The following NAALADL2 variants were observed in gnomAD, a reference collection of about 807,000 sequenced individuals.
NAALADL2 encodes N-acetylated alpha-linked acidic dipeptidase like 2, also known as inactive N-acetylated-alpha-linked acidic dipeptidase-like protein 2.
Under a neutral mutation model 87.2 loss-of-function variants are expected in NAALADL2, and 76 were observed. That is an observed-to-expected ratio of 0.87 (90% CI 0.72 to 1.05). The LOEUF (loss-of-function observed/expected upper bound fraction) is 1.05. Ranked by LOEUF, NAALADL2 falls within the 50% of genes least tolerant of loss-of-function variation. The pLI, the probability that NAALADL2 is intolerant of heterozygous loss-of-function variation, is 0.00. For missense variants in NAALADL2, 1,089 were observed against 945.8 expected (o/e 1.15, Z -1.99); for synonymous variants, 354 against 331.0 (o/e 1.07, Z -0.75).
chr3:174,464,001 G>A (rs1044960360), intron 1 of NAALADL2, among the ~76,000 whole-genome samples: 2 of 152,136 alleles, frequency 1.3e-5, no homozygotes, highest in Non-Finnish European at 1.5e-5. Context: ...ATGAAGTAAA[G>A]TAAGAAATAC....
chr3:174,904,168 G>T (rs1237332658), intron 1 of NAALADL2, among the ~76,000 whole-genome samples: 1 of 151,634 alleles, frequency 6.6e-6, no homozygotes, highest in Non-Finnish European at 1.5e-5. Context: ...CCTTATTTGG[G>T]ATCAGTAAGG....
At chr3:175,283,829 A>G (rs762490430) in intron 4 of NAALADL2, among the ~76,000 whole-genome samples, 3 of 152,044 alleles carry the variant, frequency 2.0e-5, no homozygotes, top group Non-Finnish European at 4.4e-5. Context: ...TAAAATCTGG[A>G]CATGAGCTTA....
rs755557536 is a variant in NAALADL2, at chr3:175,532,299, C to G, written c.1654-43742C>G. Among the ~76,000 whole-genome samples, 3 of 152,204 alleles carry G rather than the reference C, an allele frequency of 2.0e-5. No homozygotes were observed. The East Asian group carries it at 5.8e-4, about 29-fold the overall frequency. ...GTCCCTAAAATGTCTGATCACTTCC[C>G]TTTTCCATAGCACAGTTATGCTGGT... On this transcript the variant is annotated intron_variant, in intron 9 of 13. Coordinates refer to ENST00000454872, the MANE Select transcript of NAALADL2 (RefSeq NM_207015.3).
chr3:175,691,256 A>AAT (rs760060951), intron 11 of NAALADL2, among the ~76,000 whole-genome samples: 307 of 149,020 alleles, frequency 2.1e-3, no homozygotes, highest in African/African-American at 5.8e-3. Flanking sequence ...ACACACAGAT[A>AAT]ATATATATAT....
At chr3:175,575,961 G>A (rs1265532788) in intron 9 of NAALADL2, 80 bp from the exon 10 acceptor site, 6 of 1,169,370 alleles carry the variant, frequency 5.1e-6, no homozygotes, top group African/African-American at 1.6e-5. Flanking sequence ...CTGATCTGTG[G>A]ACCATGTTTT....
At chr3:175,802,173 T>C (rs1754244923) in intron 13 of NAALADL2, among the ~76,000 whole-genome samples, 1 of 152,084 alleles carries the variant, frequency 6.6e-6, no homozygotes, top group Non-Finnish European at 1.5e-5. Flanking sequence ...AAGAGCACTT[T>C]TAGAAAACAT....
chr3:175,002,079 CGT>C lies in NAALADL2; in HGVS notation c.44-94710_44-94709del, dbSNP rs529037625. 1.2e-3 allele frequency among the ~76,000 whole-genome samples: 182 copies of C among 152,222 alleles called. 2 individuals are homozygous for C. Among genetic ancestry groups the C allele is most frequent in the African/African-American group, 4.3e-3 (177 of 41,542 alleles). ...CACTAAGGGCAAGTTTCCCATGATA[CGT>C]CCCATGTGGAGCCAAGACCTATGTG... On this transcript the variant is annotated intron_variant, in intron 1 of 13. Coordinates refer to ENST00000454872, the MANE Select transcript of NAALADL2 (RefSeq NM_207015.3).
intron 9 of NAALADL2, among the ~76,000 whole-genome samples, chr3:175,486,317 C>A (rs11915999): frequency 6.6e-6 from 1 of 151,962 alleles, no homozygotes; most frequent in Non-Finnish European, 1.5e-5. Flanking sequence ...TTTTCTGGGA[C>A]GGGACAGGCT....
intron 3 of NAALADL2, among the ~76,000 whole-genome samples, chr3:174,832,071 A>T (rs1302288836): frequency 6.6e-6 from 1 of 151,980 alleles, no homozygotes; most frequent in African/African-American, 2.4e-5. Flanking sequence ...TCCTGGGTTC[A>T]TTAATTTTTT....
intron 1 of NAALADL2, among the ~76,000 whole-genome samples, chr3:174,918,702 G>C (rs1344516889): frequency 6.6e-6 from 1 of 152,130 alleles, no homozygotes; most frequent in Non-Finnish European, 1.5e-5. Context: ...AGTCGTTTCA[G>C]AACTAGCACA....
At chr3:175,700,256 G>A (rs1204709675) in intron 11 of NAALADL2, among the ~76,000 whole-genome samples, 1 of 152,086 alleles carries the variant, frequency 6.6e-6, no homozygotes, top group African/African-American at 2.4e-5. Context: ...CCCAGCTTCA[G>A]TTGAGGCCGT....
At chr3:175,660,415 C>T (rs1243087457) in intron 11 of NAALADL2, among the ~76,000 whole-genome samples, 3 of 152,026 alleles carry the variant, frequency 2.0e-5, no homozygotes, top group Admixed American at 6.6e-5. Flanking sequence ...TGGGAATACA[C>T]GTGATGTTTT....
intron 11 of NAALADL2, among the ~76,000 whole-genome samples, chr3:175,689,715 C>T (rs545084875): frequency 5.3e-5 from 8 of 152,082 alleles, no homozygotes; most frequent in African/African-American, 1.9e-4. Context: ...CACTGGTCTC[C>T]GATGTTTAGA....
intron 3 of NAALADL2, among the ~76,000 whole-genome samples, chr3:174,828,519 G>A (rs1457099580): frequency 6.6e-6 from 1 of 152,184 alleles, no homozygotes; most frequent in Admixed American, 6.5e-5. Flanking sequence ...TAAAGTTGCT[G>A]TATCATGGAA....
intron 3 of NAALADL2, among the ~76,000 whole-genome samples, chr3:174,782,830 G>C (rs1310394676): frequency 1.3e-5 from 2 of 152,020 alleles, no homozygotes; most frequent in Admixed American, 1.3e-4. Flanking sequence ...ACAGCATGGA[G>C]GTAACCGCCC....
intron 1 of NAALADL2, among the ~76,000 whole-genome samples, chr3:174,872,305 G>A (rs574496673): frequency 6.6e-6 from 1 of 152,194 alleles, no homozygotes; most frequent in Admixed American, 6.5e-5. Flanking sequence ...ACATGAAAAT[G>A]GCCCTTCATT....
In NAALADL2 at chr3:175,337,241, T is replaced by G. The variant is rs543881317; in HGVS notation, c.1090+12916T>G. On this transcript the variant is annotated intron_variant, in intron 5 of 13. Coordinates refer to ENST00000454872, the MANE Select transcript of NAALADL2 (RefSeq NM_207015.3). ...TGTGTATTAGGTGGTAAGGTGGTATTAGGTCTAGGTGGTATGGTGGTCCTA... is the reference window on the plus strand; with the variant it reads ...TGTGTATTAGGTGGTAAGGTGGTATGAGGTCTAGGTGGTATGGTGGTCCTA... Among the ~76,000 whole-genome samples, 62 of 150,894 alleles carry G rather than the reference T, an allele frequency of 4.1e-4. 1 individual carries two copies. The South Asian group carries it at 0.013, about 31-fold the overall frequency.
chr3:175,318,971 CTATTA>C (rs902676570), intron 4 of NAALADL2, among the ~76,000 whole-genome samples: 26 of 143,588 alleles, frequency 1.8e-4, no homozygotes, highest in African/African-American at 6.5e-4. Context: ...GAGTTATATT[CTATTA>C]TATTTTTATA....
chr3:175,724,670 A>C (rs1321520558), intron 11 of NAALADL2, among the ~76,000 whole-genome samples: 1 of 152,120 alleles, frequency 6.6e-6, no homozygotes, highest in Non-Finnish European at 1.5e-5. Context: ...CAGCAAGTTC[A>C]AAAGAACAAT....
Sources: gnomAD v4.1 joint callset for allele counts (sites outside exome capture counted in the v4.1 genomes callset) on GRCh38, gnomAD v4.1.1 for gene constraint, MANE v1.5 for transcripts, NCBI Gene and HGNC (gene_info 2026-07-23, HGNC 2026-07-21) for gene names.